Variants in PCDH15 observed in about 807,000 individuals in gnomAD.
PCDH15 encodes the protein protocadherin related 15.
PCDH15 carries 129 observed loss-of-function variants against 178.5 expected under a neutral mutation model. That is an observed-to-expected ratio of 0.72 (90% CI 0.63 to 0.84). PCDH15 has a LOEUF of 0.84. Among genes scored for constraint, PCDH15 ranks in the 40% least tolerant of loss-of-function variants. The pLI is 0.00. For missense variants in PCDH15, 2,230 were observed against 2,099.9 expected (o/e 1.06, Z -1.21); for synonymous variants, 800 against 732.0 (o/e 1.09, Z -1.50).
chr10:53,938,615 T>C (rs2085778265), intron 25 of PCDH15, among the ~76,000 whole-genome samples, 200 bp downstream of exon 25: 1 of 152,164 alleles, frequency 6.6e-6, no homozygotes, highest in African/African-American at 2.4e-5. Context: ...TGTTTTATTA[T>C]CTCGACATTT....
chr10:54,129,958 T>C (rs73239983), intron 15 of PCDH15, among the ~76,000 whole-genome samples: 2,265 of 152,070 alleles, frequency 0.015, 61 homozygotes, highest in African/African-American at 0.05. Context: ...AATATGCAAA[T>C]GGTGGTGGGG....
intron 1 of PCDH15, among the ~76,000 whole-genome samples, chr10:55,293,597 C>A (rs1230206534): frequency 6.6e-6 from 1 of 152,204 alleles, no homozygotes; most frequent in East Asian, 1.9e-4. Context: ...TTAGAAATTT[C>A]TTCAACCAGA....
At chr10:54,587,546 G>A in intron 2 of PCDH15, among the ~76,000 whole-genome samples, 1 of 144,430 alleles carries the variant, frequency 6.9e-6, no homozygotes, top group Admixed American at 6.8e-5. Context: ...AAAAAAAAAA[G>A]ACTTACATTA....
intron 3 of PCDH15, among the ~76,000 whole-genome samples, chr10:54,453,865 A>G (rs923140160): frequency 6.6e-6 from 1 of 151,984 alleles, no homozygotes; most frequent in African/African-American, 2.4e-5. Context: ...CAGCCCTCAG[A>G]GGAAGCACCT....
intron 3 of PCDH15, chr10:54,897,420 T>C (rs1954564174): frequency 6.6e-6 from 1 of 152,202 alleles, no homozygotes; most frequent in Non-Finnish European, 1.5e-5. Flanking sequence ...TTTAAACATA[T>C]ACTTGAATAT....
intron 3 of PCDH15, among the ~76,000 whole-genome samples, chr10:54,825,468 G>C (rs1237527791): frequency 6.7e-5 from 10 of 148,368 alleles, no homozygotes; most frequent in African/African-American, 2.5e-4. Flanking sequence ...CACAATGGTT[G>C]AACTAGTTTA....
intron 2 of PCDH15, among the ~76,000 whole-genome samples, chr10:55,367,442 A>T (rs927968800): frequency 2.0e-5 from 3 of 151,912 alleles, no homozygotes; most frequent in African/African-American, 7.2e-5. Flanking sequence ...TTAGTTGGAC[A>T]TGGTGCTGCG....
intron 1 of PCDH15, among the ~76,000 whole-genome samples, chr10:55,294,696 A>C (rs1436560529): frequency 6.6e-6 from 1 of 152,208 alleles, no homozygotes; most frequent in Non-Finnish European, 1.5e-5. Context: ...CATCATTCCC[A>C]ATAAGCCTAT....
At chr10:54,010,103 C>T (rs529839384) in intron 20 of PCDH15, among the ~76,000 whole-genome samples, 1 of 152,310 alleles carries the variant, frequency 6.6e-6, no homozygotes, top group South Asian at 2.1e-4. Flanking sequence ...CAGCTCTGTA[C>T]TTCTCTGGGA....
chr10:54,504,718 T>G (rs2081019830), intron 3 of PCDH15, among the ~76,000 whole-genome samples: 1 of 152,124 alleles, frequency 6.6e-6, no homozygotes, highest in African/African-American at 2.4e-5. Context: ...TACATATACA[T>G]ATATACATAT....
intron 1 of PCDH15, among the ~76,000 whole-genome samples, chr10:54,752,652 C>T (rs1946507937): frequency 6.6e-6 from 1 of 151,760 alleles, no homozygotes; most frequent in South Asian, 2.1e-4. Flanking sequence ...TCTTTGATGT[C>T]CCTCATGTTT....
intron 9 of PCDH15, among the ~76,000 whole-genome samples, chr10:54,227,247 A>G (rs1295494427): frequency 2.0e-5 from 3 of 152,186 alleles, no homozygotes; most frequent in South Asian, 2.1e-4. Flanking sequence ...TTAACATACA[A>G]GGCATTTCCA....
At chr10:55,350,627 A>C (rs1385794843) in intron 2 of PCDH15, among the ~76,000 whole-genome samples, 3 of 152,032 alleles carry the variant, frequency 2.0e-5, no homozygotes, top group Non-Finnish European at 2.9e-5. Context: ...CGAAGATAGA[A>C]AATGGAGTTT....
chr10:54,699,757 C>T (rs1414685), intron 1 of PCDH15, among the ~76,000 whole-genome samples: 130,052 of 151,982 alleles, frequency 0.86, 56,352 homozygotes, highest in Middle Eastern at 0.94. Context: ...ATTTTAATAA[C>T]ATATTTAGAA....
chr10:54,567,656 C>T (rs2089241648), intron 2 of PCDH15, among the ~76,000 whole-genome samples: 1 of 152,074 alleles, frequency 6.6e-6, no homozygotes, highest in Non-Finnish European at 1.5e-5. Context: ...GCTCTATGTT[C>T]AAGCATTATG....
intron 3 of PCDH15, among the ~76,000 whole-genome samples, chr10:54,871,528 C>T (rs746300384): frequency 2.6e-5 from 4 of 151,776 alleles, no homozygotes; most frequent in Non-Finnish European, 4.4e-5. Context: ...CTCTAGTCTG[C>T]CTGAGACTAC....
chr10:53,824,144 TA>T (rs11349834), intron 32 of PCDH15, among the ~76,000 whole-genome samples: 112,276 of 150,838 alleles, frequency 0.74, 42,021 homozygotes, highest in East Asian at 0.99. Context: ...AGATTGATGC[TA>T]AAAAAAAAAA....
At chr10:53,885,331 T>C (rs1052163292) in intron 26 of PCDH15, among the ~76,000 whole-genome samples, 31 of 152,126 alleles carry the variant, frequency 2.0e-4, no homozygotes, top group Admixed American at 1.8e-3. Flanking sequence ...TTAATTAGTA[T>C]AATATAATTT....
At chr10:53,971,253 A>C (rs2089651417) in intron 21 of PCDH15, among the ~76,000 whole-genome samples, 1 of 152,128 alleles carries the variant, frequency 6.6e-6, no homozygotes, top group African/African-American at 2.4e-5. Context: ...CCTGCTAAAA[A>C]CTCTCAATAA....
Sources: allele counts gnomAD v4.1 joint callset (sites outside exome capture counted in the v4.1 genomes callset), GRCh38; gene constraint gnomAD v4.1.1; transcripts MANE v1.5; gene names NCBI Gene and HGNC (gene_info 2026-07-23, HGNC 2026-07-21).